FHIT: variants seen among roughly 807,000 people sequenced by gnomAD.
FHIT encodes bis(5'-adenosyl)-triphosphatase.
Under a neutral mutation model 17.9 loss-of-function variants are expected in FHIT, and 19 were observed. The observed-to-expected ratio is 1.06, with a 90% CI of 0.74 to 1.56. The LOEUF is 1.56. Ranked by LOEUF, FHIT falls within the 40% of genes most tolerant of loss-of-function variation. FHIT has a pLI of 0.00. For missense variants in FHIT, 248 were observed against 189.2 expected (o/e 1.31, Z -1.82); for synonymous variants, 81 against 69.7 (o/e 1.16, Z -0.81).
At chr3:60,990,620 C>T (rs1046993562) in intron 3 of FHIT, among the ~76,000 whole-genome samples, 1 of 152,134 alleles carries the variant, frequency 6.6e-6, no homozygotes, top group African/African-American at 2.4e-5. Context: ...TAAACAATGA[C>T]AACAAGAAGA....
intron 5 of FHIT, among the ~76,000 whole-genome samples, chr3:60,219,865 T>C (rs950101227): frequency 3.9e-5 from 6 of 152,144 alleles, no homozygotes; most frequent in East Asian, 1.9e-4. Flanking sequence ...AGGATAAAAA[T>C]TGCATAAGAT....
At chr3:60,716,761 T>C (rs1457643848) in intron 4 of FHIT, among the ~76,000 whole-genome samples, 4 of 152,218 alleles carry the variant, frequency 2.6e-5, no homozygotes, top group African/African-American at 9.6e-5. Context: ...GGCAGCACAG[T>C]AGATTTGTTT....
chr3:60,155,348 T>C (rs1700636339), intron 5 of FHIT, among the ~76,000 whole-genome samples: 1 of 152,108 alleles, frequency 6.6e-6, no homozygotes, highest in Non-Finnish European at 1.5e-5. Flanking sequence ...CAGCAACAGA[T>C]CCTGAACCAA....
rs115412792 is a variant in FHIT, at chr3:60,516,618, T to C, written c.103+20242A>G. The stretch of plus-strand genomic sequence containing the variant: ...TCATATTATCTCATTCTCTCATCTA[T>C]AAAATGGAGATACCAACAGTACCCA... On this transcript the variant is annotated intron_variant, in intron 5 of 9. Transcript: ENST00000492590. Among the ~76,000 whole-genome samples, 1,371 of 152,304 alleles carry C rather than the reference T, an allele frequency of 9.0e-3. 19 individuals are homozygous for C. Among genetic ancestry groups the C allele is most frequent in the East Asian group, 0.036 (187 of 5,180 alleles).
In FHIT at chr3:61,207,718, C is replaced by T. The variant is rs188691846; in HGVS notation, c.-212-7053G>A. On this transcript the variant is annotated intron_variant, in intron 1 of 9. Transcript: ENST00000492590. ...TTTGATTCTTCTCTCTTTTCTTCTT[C>T]ATTAGTCTTGCTAGAGGTCTATCAA... is the stretch of plus-strand genomic sequence containing the variant. Among the ~76,000 whole-genome samples the T allele has an allele frequency of 6.6e-3, 1,003 of 152,126 alleles. 12 individuals are homozygous for T. The highest frequency in any genetic ancestry group is 0.023 in the African/African-American group (963 of 41,536).
At chr3:61,044,166 G>T (rs917942909) in intron 2 of FHIT, among the ~76,000 whole-genome samples, 1 of 152,034 alleles carries the variant, frequency 6.6e-6, no homozygotes, top group African/African-American at 2.4e-5. Context: ...TCAGACGATT[G>T]TTAGTAACAA....
At chr3:59,801,766 A>G (rs913793831) in intron 8 of FHIT, among the ~76,000 whole-genome samples, 1 of 152,118 alleles carries the variant, frequency 6.6e-6, no homozygotes, top group Non-Finnish European at 1.5e-5. Context: ...TCGAGTGGGT[A>G]AAGGACCAGC....
intron 2 of FHIT, among the ~76,000 whole-genome samples, chr3:61,177,049 C>T (rs1576155826): frequency 1.3e-5 from 2 of 151,938 alleles, no homozygotes; most frequent in Non-Finnish European, 2.9e-5. Flanking sequence ...TGGCGGCGGG[C>T]GCCTGTAGTC....
chr3:60,228,363 A>G (rs1704315501), intron 5 of FHIT, among the ~76,000 whole-genome samples: 1 of 152,206 alleles, frequency 6.6e-6, no homozygotes, highest in Admixed American at 6.5e-5. Context: ...TGGGAAGACG[A>G]AAATGTTCTG....
intron 1 of FHIT, among the ~76,000 whole-genome samples, chr3:61,207,110 C>A (rs183012317): frequency 6.4e-4 from 98 of 152,232 alleles, no homozygotes; most frequent in Non-Finnish European, 1.1e-3. Context: ...TGTTTATATG[C>A]TGGATTACGT....
intron 5 of FHIT, among the ~76,000 whole-genome samples, chr3:60,199,233 GA>G (rs1418969718): frequency 1.3e-5 from 2 of 152,108 alleles, no homozygotes; most frequent in African/African-American, 4.8e-5. Flanking sequence ...AGAGCAGCCT[GA>G]GAACATGTTA....
At chr3:60,494,034 CAAATACAT>C (rs2034183657) in intron 5 of FHIT, among the ~76,000 whole-genome samples, 1 of 152,150 alleles carries the variant, frequency 6.6e-6, no homozygotes, top group Admixed American at 6.5e-5. Context: ...GACATATACT[CAAATACAT>C]AAAGTTGTAA....
At chr3:60,744,869 T>C (rs2042325178) in intron 4 of FHIT, among the ~76,000 whole-genome samples, 1 of 152,194 alleles carries the variant, frequency 6.6e-6, no homozygotes, top group Admixed American at 6.5e-5. Flanking sequence ...AATCCATATT[T>C]ATTAGGTACC....
chr3:61,007,989 T>C (rs1395845807), intron 3 of FHIT, among the ~76,000 whole-genome samples: 2 of 152,158 alleles, frequency 1.3e-5, no homozygotes, highest in East Asian at 3.9e-4. Context: ...AGACTCCCCA[T>C]GTGATCAGGT....
chr3:60,914,705 T>A (rs1230740006), intron 3 of FHIT, among the ~76,000 whole-genome samples: 1 of 152,224 alleles, frequency 6.6e-6, no homozygotes, highest in Non-Finnish European at 1.5e-5. Flanking sequence ...TTTAGATATG[T>A]TCATAAGCTA....
At chr3:60,223,338 G>T (rs1704047871) in intron 5 of FHIT, among the ~76,000 whole-genome samples, 1 of 152,202 alleles carries the variant, frequency 6.6e-6, no homozygotes, top group Non-Finnish European at 1.5e-5. Flanking sequence ...GCTAGCAAAA[G>T]GCAGAAGTCG....
In FHIT at chr3:59,986,520, TATATATATATATATATATATACACAC is replaced by T. The variant is rs1401922215; in HGVS notation, c.279+24825_279+24850del. Among the ~76,000 whole-genome samples the T allele has an allele frequency of 0.043, 569 of 13,102 alleles. 61 individuals carry two copies. The East Asian group carries it at 0.47, about 11-fold the overall frequency. 8.6% of individuals were successfully genotyped at this position (13,102 alleles called of 152,430 possible). On this transcript the variant is annotated intron_variant, in intron 7 of 9. Transcript: ENST00000492590. ...CAAAATATATATATATATATATATA[TATATATATATATATATATATACACAC>T]ACACACACACACACACACACACATA...
At chr3:61,045,336 A>G (rs1475070867) in intron 2 of FHIT, among the ~76,000 whole-genome samples, 4 of 152,232 alleles carry the variant, frequency 2.6e-5, no homozygotes, top group Non-Finnish European at 5.9e-5. Flanking sequence ...CAGGGCTTGC[A>G]ATCCTAGTCT....
intron 8 of FHIT, among the ~76,000 whole-genome samples, chr3:59,902,776 G>C (rs1047710083): frequency 3.3e-5 from 5 of 152,164 alleles, no homozygotes; most frequent in Non-Finnish European, 4.4e-5. Context: ...TGGAATAGTA[G>C]TTACCAAGGG....
Sources: gnomAD v4.1 joint callset for allele counts (sites outside exome capture counted in the v4.1 genomes callset) on GRCh38, gnomAD v4.1.1 for gene constraint, MANE v1.5 for transcripts, NCBI Gene and HGNC (gene_info 2026-07-23, HGNC 2026-07-21) for gene names.